Variants in CTNNBIP1 observed in about 807,000 individuals in gnomAD.
CTNNBIP1 encodes catenin beta interacting protein 1.
Under a neutral mutation model 11.8 loss-of-function variants are expected in CTNNBIP1, and 7 were observed. The observed-to-expected ratio is 0.60, with a 90% CI of 0.34 to 1.12. CTNNBIP1 has a LOEUF of 1.12. CTNNBIP1 is among the 50% of genes most tolerant of loss of function. CTNNBIP1 has a pLI of 0.03. For synonymous variants in CTNNBIP1, 58 were observed against 43.9 expected (o/e 1.32, Z -1.26); for missense variants, 101 against 113.4 (o/e 0.89, Z 0.50).
intron 1 of CTNNBIP1, among the ~76,000 whole-genome samples, chr1:9,895,898 G>C (rs983772590): frequency 6.6e-6 from 1 of 152,282 alleles, no homozygotes; most frequent in Admixed American, 6.5e-5. Flanking sequence ...AAAGTGCTGG[G>C]ATTACAGGTG....
In CTNNBIP1 at chr1:9,871,686, C is replaced by T. The variant is rs538021959; in HGVS notation, c.96+283G>A. Among the ~76,000 whole-genome samples, 7 of 152,266 alleles carry T rather than the reference C, an allele frequency of 4.6e-5. No individual in the cohort carries two copies. The highest frequency in any genetic ancestry group is 4.1e-4 in the South Asian group (2 of 4,826). ...GCTGCCCCCTGGGAGAGAAGACTTT[C>T]GGGCTTGTGAGGGGGAGAAAAGGAA... On this transcript the variant is annotated intron_variant, in intron 4 of 5. Transcript: ENST00000377263. The surrounding 1 kb of genome is among the most constrained non-coding windows in gnomAD (Gnocchi z 5.2).
chr1:9,879,920 A>AT (rs1304240097), intron 2 of CTNNBIP1, among the ~76,000 whole-genome samples: 5 of 152,160 alleles, frequency 3.3e-5, no homozygotes, highest in Admixed American at 1.3e-4. Flanking sequence ...TTTTTATTTT[A>AT]TTTTTTGCTA....
At chr1:9,887,918 G>A (rs566028636) in intron 1 of CTNNBIP1, among the ~76,000 whole-genome samples, 1 of 151,842 alleles carries the variant, frequency 6.6e-6, no homozygotes, top group South Asian at 2.1e-4. Context: ...TCCGCCTCCC[G>A]GGTTCAAGTG....
chr1:9,866,990 C>T (rs1448482889), intron 5 of CTNNBIP1, among the ~76,000 whole-genome samples: 19 of 152,074 alleles, frequency 1.2e-4, no homozygotes, highest in Admixed American at 1.2e-3. Flanking sequence ...GGGCATTGGT[C>T]AGGGCAGAGC....
chr1:9,873,342 T>C (rs1638903654), intron 3 of CTNNBIP1, among the ~76,000 whole-genome samples: 1 of 152,114 alleles, frequency 6.6e-6, no homozygotes, highest in Non-Finnish European at 1.5e-5. Flanking sequence ...AAGTGATAAC[T>C]GGGAGCTAGG....
chr1:9,864,640 A>G (rs1221925569), intron 5 of CTNNBIP1, among the ~76,000 whole-genome samples: 1 of 152,136 alleles, frequency 6.6e-6, no homozygotes, highest in Non-Finnish European at 1.5e-5. Context: ...ACAAGGGCCT[A>G]TTCTGAGGCA....
At position 9,867,097 on chromosome 1, in the gene CTNNBIP1, G is replaced by C. The variant is rs985290949; in HGVS notation, c.187+4090C>G. ...TTCTCTGTTGAGATCACAGCACTGC[G>C]TGTGGAACAGGGAGAAGAGAGGGGG... On this transcript the variant is annotated intron_variant, in intron 5 of 5. Transcript: ENST00000377263. The surrounding 1 kb of genome is among the most constrained non-coding windows in gnomAD (Gnocchi z 4.6). Among the ~76,000 whole-genome samples the C allele has an allele frequency of 6.6e-6, 1 of 152,208 alleles. No individual in the cohort carries two copies. The highest frequency in any genetic ancestry group is 6.5e-5 in the Admixed American group (1 of 15,282).
At chr1:9,899,242 G>T (rs748238849) in intron 1 of CTNNBIP1, among the ~76,000 whole-genome samples, 1 of 150,690 alleles carries the variant, frequency 6.6e-6, no homozygotes, top group South Asian at 2.1e-4. Flanking sequence ...GATCACCTAA[G>T]ATCAGGAGTT....
At chr1:9,901,290 G>T (rs1423114656) in intron 1 of CTNNBIP1, among the ~76,000 whole-genome samples, 1 of 152,198 alleles carries the variant, frequency 6.6e-6, no homozygotes, top group Non-Finnish European at 1.5e-5. Context: ...GGCTGCCTGA[G>T]GCAGGTGGCT....
chr1:9,866,790 C>T (rs924385723), intron 5 of CTNNBIP1, among the ~76,000 whole-genome samples: 3 of 151,626 alleles, frequency 2.0e-5, no homozygotes, highest in African/African-American at 7.3e-5. Flanking sequence ...GATGGGAAGT[C>T]GAGATGCCAG....
intron 1 of CTNNBIP1, among the ~76,000 whole-genome samples, chr1:9,902,887 T>G (rs564284166): frequency 4.7e-4 from 71 of 152,228 alleles, no homozygotes; most frequent in Admixed American, 2.2e-3. Context: ...TGCCTCAGCC[T>G]CCCGAGTAGC....
Position 9,862,668 on chromosome 1 carries a change from C to T in CTNNBIP1, c.187+8519G>A, listed in dbSNP as rs118101013. ...GAGAATCCTGTAGCATCCTTCCCAC[C>T]GGTTTCTCTACACGCACATCCGCAT... On this transcript the variant is annotated intron_variant, in intron 5 of 5. Transcript: ENST00000377263. 9.0e-3 allele frequency among the ~76,000 whole-genome samples: 1,376 copies of T among 152,224 alleles called. 65 individuals carry two copies. Among genetic ancestry groups the T allele is most frequent in the Admixed American group, 0.071 (1,082 of 15,300 alleles).
At chr1:9,903,065 G>A (rs531837642) in intron 1 of CTNNBIP1, among the ~76,000 whole-genome samples, 36 of 152,250 alleles carry the variant, frequency 2.4e-4, no homozygotes, top group Non-Finnish European at 4.3e-4. Context: ...ACGCCCGGCT[G>A]GGGAATAACT....
chr1:9,907,071 TG>T (rs755713343), intron 1 of CTNNBIP1, among the ~76,000 whole-genome samples: 2 of 152,320 alleles, frequency 1.3e-5, no homozygotes, highest in South Asian at 4.1e-4. Flanking sequence ...AAGAAGGGGC[TG>T]GCCTGTGTAA....
chr1:9,869,349 T>C (rs1235160344), intron 5 of CTNNBIP1, among the ~76,000 whole-genome samples: 4 of 151,896 alleles, frequency 2.6e-5, no homozygotes, highest in African/African-American at 9.7e-5. Flanking sequence ...TGTGTGTATG[T>C]GTGTTGTTGC....
intron 5 of CTNNBIP1, among the ~76,000 whole-genome samples, chr1:9,870,320 TG>T (rs1158766764): frequency 6.6e-6 from 1 of 152,240 alleles, no homozygotes; most frequent in Non-Finnish European, 1.5e-5. Flanking sequence ...ATGGAGATGC[TG>T]GTCAGAATAC....
intron 1 of CTNNBIP1, among the ~76,000 whole-genome samples, chr1:9,903,438 G>C (rs1232490075): frequency 6.6e-6 from 1 of 152,190 alleles, no homozygotes; most frequent in Non-Finnish European, 1.5e-5. Context: ...AACTTCAAAA[G>C]GGGAGAACAA....
intron 5 of CTNNBIP1, among the ~76,000 whole-genome samples, chr1:9,853,665 T>TC (rs1188737407): frequency 6.6e-6 from 1 of 152,182 alleles, no homozygotes. Context: ...AAGCTCTGTC[T>TC]CCCCCCTTGG....
chr1:9,872,212 G>A lies in CTNNBIP1; in HGVS notation c.-24-124C>T. 1 of 663,830 alleles carries A rather than the reference G, an allele frequency of 1.5e-6. No individual in the cohort carries two copies. Among genetic ancestry groups the A allele is most frequent in the Non-Finnish European group, 2.7e-6 (1 of 372,098 alleles). 41.1% of individuals were successfully genotyped at this position (663,830 alleles called of 1,614,324 possible). A position where few individuals can be genotyped will look rare whatever the true frequency, so the allele number is the denominator to read the frequency against. On this transcript the variant is annotated intron_variant, in intron 3 of 5. Transcript: ENST00000377263. This position sits in a 1 kb window ranked among gnomAD's most constrained non-coding sequence, Gnocchi z 4.0. ...TTTCCACCCACAGTCTCCCTTCTGG[G>A]AGCATGGGGCAGGTGGCGAGGTGCT...
Sources: gnomAD v4.1 joint callset for allele counts (sites outside exome capture counted in the v4.1 genomes callset) on GRCh38, gnomAD v4.1.1 for gene constraint, Gnocchi (gnomAD v3.1) non-coding constraint, MANE v1.5 for transcripts, NCBI Gene and HGNC (gene_info 2026-07-23, HGNC 2026-07-21) for gene names.